HSPA12B: variants seen among roughly 807,000 people sequenced by gnomAD.
HSPA12B encodes the protein heat shock 70 kDa protein 12B.
HSPA12B carries 54 observed loss-of-function variants against 69.3 expected under a neutral mutation model. The ratio of observed to expected loss-of-function variants is 0.78; its 90% CI spans 0.63 to 0.98. The LOEUF (loss-of-function observed/expected upper bound fraction) is 0.98, where lower values mean the gene tolerates loss of function less well. HSPA12B is among the 50% of genes least tolerant of loss of function. The probability of loss-of-function intolerance (pLI) is 0.00; values close to 1 mark genes in which losing one functional copy is unlikely to be tolerated. For synonymous variants in HSPA12B, 441 were observed against 436.5 expected (o/e 1.01, Z -0.13); for missense variants, 929 against 999.8 (o/e 0.93, Z 0.96).
In HSPA12B at chr20:3,744,837, G is replaced by T; in HGVS notation, c.267-65G>T. ...ACATCTGTAAGTTTTTGCACATGCT[G>T]TTCCCTCTGCCTGGATTCCCACCCA... is the stretch of plus-strand genomic sequence containing the variant. On this transcript the variant is annotated intron_variant, in intron 4 of 12. Transcript: ENST00000254963. The surrounding 1 kb of genome is among the most constrained non-coding windows in gnomAD (Gnocchi z 4.9). The T allele has an allele frequency of 1.3e-6, 2 of 1,503,128 alleles. No individual in the cohort carries two copies. 93.1% of individuals were successfully genotyped at this position (1,503,128 alleles called of 1,614,324 possible).
rs2088183357 is a variant in HSPA12B at position 3,740,607 on chromosome 20, G to T, written c.44-208G>T. 6.6e-6 allele frequency among the ~76,000 whole-genome samples: 1 copy of T among 152,172 alleles called. No individual in the cohort carries two copies. The highest frequency in any genetic ancestry group is 2.4e-5 in the African/African-American group (1 of 41,450). Reference sequence around the variant, plus strand: ...GGGGAAAGCATGGGTCATCTGCTAGGGAAACGTTGCCTCTGACAGCAGACC... The same window carrying T: ...GGGGAAAGCATGGGTCATCTGCTAGTGAAACGTTGCCTCTGACAGCAGACC... On this transcript the variant is annotated intron_variant, in intron 2 of 12. Coordinates refer to ENST00000254963, the MANE Select transcript of HSPA12B (RefSeq NM_052970.5). This position sits in a 1 kb window ranked among gnomAD's most constrained non-coding sequence, Gnocchi z 4.9.
Position 3,745,239 on chromosome 20 carries a change from C to T in HSPA12B, c.453+151C>T, listed in dbSNP as rs2088277386. ...CGGGGCTAAAGGGAGACGTCGGACT[C>T]CGGTGTGGGCGGAGCTCAGAAATGA... On this transcript the variant is annotated intron_variant, in intron 5 of 12. Coordinates refer to ENST00000254963, the MANE Select transcript of HSPA12B (RefSeq NM_052970.5). This position sits in a 1 kb window ranked among gnomAD's most constrained non-coding sequence, Gnocchi z 5.6. 1.3e-6 allele frequency: 1 copy of T among 751,544 alleles called. No homozygotes were observed. The highest frequency in any genetic ancestry group is 1.8e-5 in the African/African-American group (1 of 56,528). 46.6% of individuals were successfully genotyped at this position (751,544 alleles called of 1,614,324 possible).
At chr20:3,750,976 A>G (rs1202374393) in intron 12 of HSPA12B, 69 bp downstream of exon 12, 8 of 1,270,474 alleles carry the variant, frequency 6.3e-6, no homozygotes, top group African/African-American at 1.5e-5. Context: ...ATTCCCCCCC[A>G]TCAGTGCCTA....
In HSPA12B at chr20:3,751,892, C is replaced by T. The variant is rs1384177464; in HGVS notation, c.1787C>T (p.Pro596Leu). The change falls in exon 13 of 13, where the codon CCG (proline) becomes CTG (leucine). Residue 596 changes from proline (P) to leucine (L), a missense_variant. Around this residue, in one of 3 missense-constraint regions of HSPA12B, gnomAD observed 448 missense variants for 448.1 expected, o/e 1.00. Coordinates refer to ENST00000254963, the MANE Select transcript of HSPA12B (RefSeq NM_052970.5). ...LGEEVRRSYC[P>L]ARPGQRRVLI... Reference sequence around the variant, plus strand: ...GAGGAGGTGCGGCGCAGCTACTGCCCGGCGCGTCCCGGCCAGCGGCGCGTA... The same window carrying T: ...GAGGAGGTGCGGCGCAGCTACTGCCTGGCGCGTCCCGGCCAGCGGCGCGTA... 1 of 1,568,986 alleles carries T rather than the reference C, an allele frequency of 6.4e-7. No homozygotes were observed. Among genetic ancestry groups the T allele is most frequent in the Non-Finnish European group, 8.6e-7 (1 of 1,163,248 alleles).
chr20:3,750,997 C>T, intron 12 of HSPA12B, 90 bp downstream of exon 12: 1 of 1,061,870 alleles, frequency 9.4e-7, no homozygotes, highest in Non-Finnish European at 1.5e-6. Flanking sequence ...GATACCTCCA[C>T]ACATCCATAC....
In HSPA12B at chr20:3,745,931, G is replaced by A; in HGVS notation, c.575G>A (p.Ser192Asn). ...EHALQELREQSPSLPEKDTVR... is the reference protein window; with the variant it reads ...EHALQELREQNPSLPEKDTVR... ...CTGTACCAGGAGCTGAGGGAGCAGAGCCCATCGCTGCCAGAGAAGGACACT... is the reference window on the plus strand; with the variant it reads ...CTGTACCAGGAGCTGAGGGAGCAGAACCCATCGCTGCCAGAGAAGGACACT... Residue 192 changes from serine to asparagine, a missense_variant, in exon 7 of 13, where the codon AGC becomes AAC. Transcript: ENST00000254963. The surrounding 1 kb of genome is among the most constrained non-coding windows in gnomAD (Gnocchi z 5.6). 6.2e-7 allele frequency: 1 copy of A among 1,614,098 alleles called. No homozygotes were observed. The highest frequency in any genetic ancestry group is 1.3e-5 in the African/African-American group (1 of 75,070).
chr20:3,750,448 C>T (rs966109467), intron 11 of HSPA12B, among the ~76,000 whole-genome samples: 4 of 152,124 alleles, frequency 2.6e-5, no homozygotes, highest in South Asian at 4.1e-4. Context: ...TGGGGCAAGA[C>T]AGAGAATCAT....
intron 1 of HSPA12B, among the ~76,000 whole-genome samples, chr20:3,734,376 G>C (rs916865971): frequency 6.6e-6 from 1 of 152,224 alleles, no homozygotes. Context: ...GAAGCCAAGA[G>C]TTAGGGGTCA....
Position 3,745,379 on chromosome 20 carries a change from C to G in HSPA12B, c.454-114C>G. On this transcript the variant is annotated intron_variant, in intron 5 of 12. Transcript: ENST00000254963. The surrounding 1 kb of genome is among the most constrained non-coding windows in gnomAD (Gnocchi z 5.6). The stretch of plus-strand genomic sequence containing the variant: ...AATGTCACATGGGGCAAGAGTGGGA[C>G]GGTGGTAAAGAGGAGGGGAAGCTCC... 1.3e-6 allele frequency: 1 copy of G among 781,784 alleles called. No homozygotes were observed. The allele number at this position is 781,784 out of a possible 1,614,324, so 48.4% of individuals were successfully genotyped here. A position where few individuals can be genotyped will look rare whatever the true frequency, so the allele number is the denominator to read the frequency against.
At chr20:3,750,696 G>A (rs2088401976) in intron 11 of HSPA12B, 108 bp from the exon 12 acceptor site, 2 of 1,589,222 alleles carry the variant, frequency 1.3e-6, no homozygotes, top group African/African-American at 1.3e-5. Context: ...TCGGTGCCCA[G>A]GCACTTCTGC....
At position 3,751,624 on chromosome 20, in the gene HSPA12B, G is replaced by A. The variant is rs1443285463; in HGVS notation, c.1519G>A (p.Gly507Ser). 1 of 1,528,486 alleles carries A rather than the reference G, an allele frequency of 6.5e-7. No individual in the cohort carries two copies. Among genetic ancestry groups the A allele is most frequent in the Non-Finnish European group, 8.8e-7 (1 of 1,141,300 alleles). 94.7% of individuals were successfully genotyped at this position (1,528,486 alleles called of 1,614,324 possible). A position where few individuals can be genotyped will look rare whatever the true frequency, so the allele number is the denominator to read the frequency against. ...GGTGCAGGCGGCGCTGGGCGCCCGC[G>A]GTCTGCGTGTCGTGGTCCCGCACGA... ...HAVQAALGAR[G>S]LRVVVPHDVG... The change falls in exon 13 of 13, where the codon GGT (glycine) becomes AGT (serine). Residue 507 changes from glycine (G) to serine (S), a missense_variant. By Grantham distance (56) the Gly-to-Ser change is moderately conservative. This residue lies in a region of HSPA12B where 448 missense variants were observed against 448.1 expected (regional missense o/e 1.00). Coordinates refer to ENST00000254963, the MANE Select transcript of HSPA12B (RefSeq NM_052970.5).
In HSPA12B at chr20:3,750,223, A is replaced by C. The variant is rs957276054; in HGVS notation, c.1297A>C (p.Ser433Arg). Reference sequence around the variant, plus strand: ...CAACGTGGAGACCGCTCTGCGCAGGAGCAGGTGGGTCCTGAGCCCGCGGGC... The same window carrying C: ...CAACGTGGAGACCGCTCTGCGCAGGCGCAGGTGGGTCCTGAGCCCGCGGGC... ...GHNVETALRRSSVNFVKWSSQ... is the reference protein window; with the variant it reads ...GHNVETALRRRSVNFVKWSSQ... Residue 433 changes from serine to arginine, a missense_variant, in exon 11 of 13, where the codon AGC becomes CGC. By Grantham distance (110) the Ser-to-Arg change is moderately radical. This residue lies in a region of HSPA12B where 448 missense variants were observed against 448.1 expected (regional missense o/e 1.00). Coordinates refer to ENST00000254963, the MANE Select transcript of HSPA12B (RefSeq NM_052970.5). 6 of 1,594,698 alleles carry C rather than the reference A, an allele frequency of 3.8e-6. No individual in the cohort carries two copies. The African/African-American group carries it at 4.0e-5, about 11-fold the overall frequency.
Position 3,744,877 on chromosome 20 carries a change from C to A in HSPA12B, c.267-25C>A. ...ATTCCCACCCAAGAAGGGAGGGTTG[C>A]ACTGACTGCCCTGTGCCTCCGCAGG... On this transcript the variant is annotated intron_variant, in intron 4 of 12. Transcript: ENST00000254963. This position sits in a 1 kb window ranked among gnomAD's most constrained non-coding sequence, Gnocchi z 4.9. The A allele has an allele frequency of 6.2e-7, 1 of 1,606,898 alleles. No individual in the cohort carries two copies.
Position 3,749,780 on chromosome 20 carries a change from G to T in HSPA12B, c.968G>T (p.Gly323Val), listed in dbSNP as rs1207612212. The change falls in exon 10 of 13, where the codon GGA becomes GTA. Residue 323 changes from glycine to valine, a missense_variant. Coordinates refer to ENST00000254963, the MANE Select transcript of HSPA12B (RefSeq NM_052970.5). This position sits in a 1 kb window ranked among gnomAD's most constrained non-coding sequence, Gnocchi z 5.5. ...CGCTACGTGGTGGCCGACTGCGGCG[G>T]AGGCACCGTGGACCTGACGGTGCAC... ...GDRYVVADCG[G>V]GTVDLTVHQL... is the part of the protein sequence containing the mutation. 6.2e-7 allele frequency: 1 copy of T among 1,605,216 alleles called. No individual in the cohort carries two copies.
rs994178755 is a variant in HSPA12B, at chr20:3,732,806, G to C, written c.-18+12G>C. ...TCGGGAGGGCGGAGGTGAGTTCTGG[G>C]GCGGGGGCTGCCGGGCGCCCCGAGT... On this transcript the variant is annotated intron_variant, in intron 1 of 12. Coordinates refer to ENST00000254963, the MANE Select transcript of HSPA12B (RefSeq NM_052970.5). The C allele has an allele frequency of 2.0e-5, 3 of 152,310 alleles. No individual in the cohort carries two copies. The South Asian group carries it at 6.2e-4, about 31-fold the overall frequency. The allele number at this position is 152,310 out of a possible 1,614,324, so 9.4% of individuals were successfully genotyped here.
intron 1 of HSPA12B, among the ~76,000 whole-genome samples, chr20:3,733,952 A>G (rs73893102): frequency 0.012 from 1,887 of 152,318 alleles, 40 homozygotes; most frequent in African/African-American, 0.042. Flanking sequence ...TCCTGGGGAC[A>G]TGAGCGCCCA....
In HSPA12B at chr20:3,749,950, G is replaced by T. The variant is rs974874329; in HGVS notation, c.1043-19G>T. 3.9e-6 allele frequency: 6 copies of T among 1,549,850 alleles called. No individual in the cohort carries two copies. The highest frequency in any genetic ancestry group is 4.4e-6 in the Non-Finnish European group (5 of 1,144,808). Reference sequence around the variant, plus strand: ...CCCGGCGAGCGCTGACGCCCTCTTCGCCCCCTGCTCCACCCCAGGGGGCCC... The same window carrying T: ...CCCGGCGAGCGCTGACGCCCTCTTCTCCCCCTGCTCCACCCCAGGGGGCCC... On this transcript the variant is annotated intron_variant, in intron 10 of 12. Transcript: ENST00000254963. The surrounding 1 kb of genome is among the most constrained non-coding windows in gnomAD (Gnocchi z 5.5).
In HSPA12B at chr20:3,742,344, G is replaced by A. The variant is rs1275253729; in HGVS notation, c.202G>A (p.Gly68Ser). 2 of 1,613,998 alleles carry A rather than the reference G, an allele frequency of 1.2e-6. No homozygotes were observed. The highest frequency in any genetic ancestry group is 1.3e-5 in the African/African-American group (1 of 74,916). The change falls in exon 4 of 13, where the codon GGC becomes AGC. Residue 68 changes from glycine to serine, a missense_variant. This residue lies in a region of HSPA12B where 477 missense variants were observed against 535.2 expected (regional missense o/e 0.89). Transcript: ENST00000254963. ...CTCTGTGGTGGTGGCCATTGACTTCGGCACCACGTCTAGTGGCTATGCTTT... is the reference window on the plus strand; with the variant it reads ...CTCTGTGGTGGTGGCCATTGACTTCAGCACCACGTCTAGTGGCTATGCTTT... Reference protein sequence around the residue: ...SFSVVVAIDFGTTSSGYAFSF... With the variant: ...SFSVVVAIDFSTTSSGYAFSF...
In HSPA12B at chr20:3,750,080, T is replaced by A; in HGVS notation, c.1154T>A (p.Val385Glu). The change falls in exon 11 of 13, where the codon GTA (valine) becomes GAA (glutamate). Residue 385 changes from valine (V) to glutamate (E), a missense_variant. This residue lies in a region of HSPA12B where 477 missense variants were observed against 535.2 expected (regional missense o/e 0.89). Coordinates refer to ENST00000254963, the MANE Select transcript of HSPA12B (RefSeq NM_052970.5). ...AAAAGGCAACGGCCGGCAGCCTGGG[T>A]AGATCTGACCATCGCCTTCGAGGCT... Reference protein sequence around the residue: ...TFKRQRPAAWVDLTIAFEARK... With the variant: ...TFKRQRPAAWEDLTIAFEARK... 1 of 1,612,148 alleles carries A rather than the reference T, an allele frequency of 6.2e-7. No individual in the cohort carries two copies. The highest frequency in any genetic ancestry group is 1.1e-5 in the South Asian group (1 of 90,952).
Sources: allele counts gnomAD v4.1 joint callset (sites outside exome capture counted in the v4.1 genomes callset), GRCh38; gene constraint gnomAD v4.1.1; regional missense constraint gnomAD v4.1.1; non-coding constraint Gnocchi (gnomAD v3.1); transcripts MANE v1.5; gene names NCBI Gene and HGNC (gene_info 2026-07-23, HGNC 2026-07-21).